MYH9: variants seen among roughly 807,000 people sequenced by gnomAD.
MYH9 encodes the protein myosin-9.
A neutral mutation model predicts 241.9 loss-of-function variants in MYH9; 29 were observed. The ratio of observed to expected loss-of-function variants is 0.12; its 90% CI spans 0.09 to 0.16. MYH9 has a LOEUF of 0.16. Among genes scored for constraint, MYH9 ranks in the 10% least tolerant of loss-of-function variants. MYH9 has a pLI of 1.00. For synonymous variants in MYH9, 1,047 were observed against 1,062.6 expected (o/e 0.99, Z 0.29); for missense variants, 1,803 against 2,595.5 (o/e 0.69, Z 6.63).
At chr22:36,344,014 G>A (rs1325785651) in intron 2 of MYH9, among the ~76,000 whole-genome samples, 3 of 152,224 alleles carry the variant, frequency 2.0e-5, no homozygotes, top group Non-Finnish European at 4.4e-5. Flanking sequence ...AGGGGACCAC[G>A]GGTCATTAGG....
rs1305042124 is a variant in MYH9 at position 36,294,155 on chromosome 22, C to T, written c.3774G>A (p.Gln1258=). 3.7e-6 allele frequency: 6 copies of T among 1,613,072 alleles called. No individual in the cohort carries two copies. The highest frequency in any genetic ancestry group is 5.1e-6 in the Non-Finnish European group (6 of 1,180,040). ...KKVEAQLQEL[Q]VKFNEGERVR... is the part of the protein sequence containing the mutation. The stretch of plus-strand genomic sequence containing the variant: ...CGCGCTCTCCCTCGTTGAACTTGAC[C>T]TGCAGCTCCTGCAGCTGCGCCTCCA... The change falls in exon 28 of 41, where the codon CAG becomes CAA. Residue 1258 remains glutamine (Q), a synonymous_variant. Transcript: ENST00000216181.
intron 20 of MYH9, chr22:36,302,246 A>G (rs970358964): frequency 3.3e-6 from 1 of 302,862 alleles, no homozygotes; most frequent in African/African-American, 2.1e-5. Flanking sequence ...ACCATAAATT[A>G]TGTATTATAC....
Position 36,293,201 on chromosome 22 carries a change from T to A in MYH9, c.4095+128A>T. 2 of 1,216,484 alleles carry A rather than the reference T, an allele frequency of 1.6e-6. No individual in the cohort carries two copies. The highest frequency in any genetic ancestry group is 1.2e-6 in the Non-Finnish European group (1 of 855,490). 75.4% of individuals were successfully genotyped at this position (1,216,484 alleles called of 1,614,324 possible). A position where few individuals can be genotyped will look rare whatever the true frequency, so the allele number is the denominator to read the frequency against. ...GAGCACTGATGTGGGAGAGCACGGT[T>A]GGCTTCCCAGGGGGAGAGCAGCAAT... On this transcript the variant is annotated intron_variant, in intron 30 of 40. Transcript: ENST00000216181. This position sits in a 1 kb window ranked among gnomAD's most constrained non-coding sequence, Gnocchi z 5.1.
At chr22:36,332,341 C>T (rs755610230) in intron 3 of MYH9, among the ~76,000 whole-genome samples, 5 of 152,326 alleles carry the variant, frequency 3.3e-5, no homozygotes, top group Middle Eastern at 3.4e-3. Flanking sequence ...CAGATCTGTG[C>T]CGAGTGGGGT....
chr22:36,302,648 T>C lies in MYH9; in HGVS notation c.2419A>G (p.Thr807Ala), dbSNP rs1428269826. The change falls in exon 20 of 41, where the codon ACC becomes GCC. Residue 807 changes from threonine to alanine, a missense_variant. Physicochemically the swap from Thr to Ala is moderately conservative, Grantham distance 58 (BLOSUM62 0). Coordinates refer to ENST00000216181, the MANE Select transcript of MYH9 (RefSeq NM_002473.6). ...KAFAKRQQQL[T>A]AMKVLQRNCA... The stretch of plus-strand genomic sequence containing the variant: ...TTCCGCTGGAGGACCTTCATGGCGG[T>C]AAGCTGCTGCTGCCGCTTGGCAAAT... 1.2e-6 allele frequency: 2 copies of C among 1,613,288 alleles called. No homozygotes were observed. The highest frequency in any genetic ancestry group is 2.7e-5 in the African/African-American group (2 of 74,932).
At chr22:36,307,774 GCTA>G (rs888948467) in intron 15 of MYH9, among the ~76,000 whole-genome samples, 2 of 152,118 alleles carry the variant, frequency 1.3e-5, no homozygotes, top group African/African-American at 4.8e-5. Flanking sequence ...TGTAATCCTA[GCTA>G]CTTGGGAGGC....
At chr22:36,326,732 C>T in intron 4 of MYH9, 71 bp from the exon 5 acceptor site, 1 of 1,286,080 alleles carries the variant, frequency 7.8e-7, no homozygotes, top group Non-Finnish European at 1.1e-6. Flanking sequence ...CTTCCCACTG[C>T]ACGCTCCACT....
At chr22:36,359,860 T>G (rs2017910336) in intron 1 of MYH9, among the ~76,000 whole-genome samples, 1 of 152,210 alleles carries the variant, frequency 6.6e-6, no homozygotes, top group Non-Finnish European at 1.5e-5. Context: ...CACAGCCATG[T>G]GAGGTCCTGG....
At chr22:36,368,486 G>A (rs1021427047) in intron 1 of MYH9, among the ~76,000 whole-genome samples, 1 of 152,150 alleles carries the variant, frequency 6.6e-6, no homozygotes, top group African/African-American at 2.4e-5. Context: ...ATCTGGCAAG[G>A]CGTCACATAG....
At chr22:36,362,576 C>A (rs1427893363) in intron 1 of MYH9, among the ~76,000 whole-genome samples, 1 of 152,164 alleles carries the variant, frequency 6.6e-6, no homozygotes, top group African/African-American at 2.4e-5. Flanking sequence ...GCAACCTCTG[C>A]CTCCTGGATT....
chr22:36,381,796 G>C (rs1336775416), intron 1 of MYH9, among the ~76,000 whole-genome samples: 1 of 152,192 alleles, frequency 6.6e-6, no homozygotes, highest in African/African-American at 2.4e-5. Context: ...CCACTGTACA[G>C]CTGTACCATG....
At chr22:36,319,742 G>A (rs2017219745) in intron 9 of MYH9, 107 bp from the exon 10 acceptor site, 1 of 1,128,670 alleles carries the variant, frequency 8.9e-7, no homozygotes, top group Admixed American at 1.9e-5. Flanking sequence ...GCCAAGCAGG[G>A]ACACCCCCCA....
At position 36,285,056 on chromosome 22, in the gene MYH9, G is replaced by C; in HGVS notation, c.5483+65C>G. 1.3e-6 allele frequency: 2 copies of C among 1,486,618 alleles called. No individual in the cohort carries two copies. The highest frequency in any genetic ancestry group is 1.9e-6 in the Non-Finnish European group (2 of 1,076,674). The allele number at this position is 1,486,618 out of a possible 1,614,324, so 92.1% of individuals were successfully genotyped here. A position where few individuals can be genotyped will look rare whatever the true frequency, so the allele number is the denominator to read the frequency against. On this transcript the variant is annotated intron_variant, in intron 38 of 40. Coordinates refer to ENST00000216181, the MANE Select transcript of MYH9 (RefSeq NM_002473.6). This position sits in a 1 kb window ranked among gnomAD's most constrained non-coding sequence, Gnocchi z 7.0. ...GCTGGTTGTGGCCCAGATTTGGGCA[G>C]GACTGCAGGGGGGCCAGAGTTTTTT...
chr22:36,345,128 C>T (rs1180462196), intron 2 of MYH9, among the ~76,000 whole-genome samples: 7 of 151,906 alleles, frequency 4.6e-5, no homozygotes, highest in Admixed American at 1.3e-4. Context: ...CTGGCTAACA[C>T]GGTGAAACCC....
intron 1 of MYH9, among the ~76,000 whole-genome samples, chr22:36,352,013 A>G (rs527813053): frequency 6.6e-6 from 1 of 152,284 alleles, no homozygotes; most frequent in South Asian, 2.1e-4. Flanking sequence ...TAAACTAGGA[A>G]ACAGACTCAG....
chr22:36,373,541 G>A (rs928814950), intron 1 of MYH9, among the ~76,000 whole-genome samples: 1 of 152,134 alleles, frequency 6.6e-6, no homozygotes, highest in Non-Finnish European at 1.5e-5. Context: ...TTTTCCATCG[G>A]CTGGAATTGA....
intron 14 of MYH9, among the ~76,000 whole-genome samples, chr22:36,311,829 C>T (rs1367073097): frequency 1.3e-5 from 2 of 152,146 alleles, no homozygotes; most frequent in Non-Finnish European, 1.5e-5. Context: ...GGTGGAGTGC[C>T]GCAGGCTTCT....
chr22:36,314,505 T>C (rs1184372350), intron 12 of MYH9, among the ~76,000 whole-genome samples, 187 bp from the exon 13 acceptor site: 1 of 152,160 alleles, frequency 6.6e-6, no homozygotes, highest in African/African-American at 2.4e-5. Flanking sequence ...CAACATTTAC[T>C]CTTTGGAGCC....
At position 36,288,384 on chromosome 22, in the gene MYH9, G is replaced by A. The variant is rs201223994; in HGVS notation, c.4800C>T (p.Asp1600=). ...CTGCCATCGAGCGCTGCTTCCTCTCGTCCTCCAGCTCTGCCTCCATCTCCC... is the reference window on the plus strand; with the variant it reads ...CTGCCATCGAGCGCTGCTTCCTCTCATCCTCCAGCTCTGCCTCCATCTCCC... ...QVREMEAELE[D]ERKQRSMAVA... Residue 1600 remains aspartate (D), a synonymous_variant, in exon 34 of 41, where the codon GAC becomes GAT. Coordinates refer to ENST00000216181, the MANE Select transcript of MYH9 (RefSeq NM_002473.6). This position sits in a 1 kb window ranked among gnomAD's most constrained non-coding sequence, Gnocchi z 4.8. 162 of 1,612,696 alleles carry A rather than the reference G, an allele frequency of 1.0e-4. No individual in the cohort carries two copies. Among genetic ancestry groups the A allele is most frequent in the Middle Eastern group, 3.3e-4 (2 of 6,062 alleles).
Sources: gnomAD v4.1 joint callset for allele counts (sites outside exome capture counted in the v4.1 genomes callset) on GRCh38, gnomAD v4.1.1 for gene constraint, Gnocchi (gnomAD v3.1) non-coding constraint, MANE v1.5 for transcripts, NCBI Gene and HGNC (gene_info 2026-07-23, HGNC 2026-07-21) for gene names.